Variants in PLSCR2 observed in about 807,000 individuals in gnomAD.
The protein encoded by PLSCR2 is PL scramblase 2.
A neutral mutation model predicts 25.3 loss-of-function variants in PLSCR2; 18 were observed. That is an observed-to-expected ratio of 0.71 (90% confidence interval 0.49 to 1.06). The LOEUF (loss-of-function observed/expected upper bound fraction) is 1.06. PLSCR2 is among the 50% of genes least tolerant of loss of function. The pLI, the probability that PLSCR2 is intolerant of heterozygous loss-of-function variation, is 0.00. For synonymous variants in PLSCR2, 88 were observed against 87.3 expected (o/e 1.01, Z -0.04); for missense variants, 243 against 269.5 (o/e 0.90, Z 0.69).
intron 6 of PLSCR2, among the ~76,000 whole-genome samples, chr3:146,443,209 G>T (rs1266958275): frequency 6.6e-6 from 1 of 151,912 alleles, no homozygotes; most frequent in Non-Finnish European, 1.5e-5. Flanking sequence ...TGTTCATCAG[G>T]CATATTAACC....
At chr3:146,485,111 A>G (rs1395423886) in intron 1 of PLSCR2, among the ~76,000 whole-genome samples, 1 of 134,412 alleles carries the variant, frequency 7.4e-6, no homozygotes, top group Non-Finnish European at 1.6e-5. Flanking sequence ...AGCAACTGGA[A>G]AGAAAAAAAA....
At chr3:146,422,141 A>G (rs2039174685) in intron 2 of PLSCR2, among the ~76,000 whole-genome samples, 2 of 152,090 alleles carry the variant, frequency 1.3e-5, no homozygotes, top group Admixed American at 1.3e-4. Context: ...TGGCACCTCC[A>G]TGAGGAGTTT....
chr3:146,416,391 A>G (rs931550067), intron 2 of PLSCR2: 10 of 152,186 alleles, frequency 6.6e-5, no homozygotes, highest in Non-Finnish European at 1.3e-4. Context: ...TCTTAATGTT[A>G]AAGTCACAGT....
chr3:146,410,777 G>A (rs961557815), intron 2 of PLSCR2, among the ~76,000 whole-genome samples: 3 of 152,198 alleles, frequency 2.0e-5, no homozygotes, highest in Admixed American at 6.5e-5. Flanking sequence ...CAGTTTTCCT[G>A]TTTATTTTTT....
chr3:146,461,958 T>TAAA, upstream of PLSCR2: 1 of 1,172,258 alleles, frequency 8.5e-7, no homozygotes, highest in Non-Finnish European at 1.1e-6. Flanking sequence ...TTTCATAAGC[T>TAAA]AAAAAAAAAA....
intron 1 of PLSCR2, among the ~76,000 whole-genome samples, chr3:146,483,474 CAT>C (rs1560054920): frequency 3.6e-5 from 1 of 27,678 alleles, no homozygotes; most frequent in African/African-American, 2.1e-4. Context: ...TATATATATA[CAT>C]GTGTATATAT....
chr3:146,475,245 T>C (rs564703464), intron 1 of PLSCR2, among the ~76,000 whole-genome samples: 1 of 151,948 alleles, frequency 6.6e-6, no homozygotes, highest in Non-Finnish European at 1.5e-5. Context: ...GTTTTCAGCA[T>C]TTTTTCACTG....
intron 2 of PLSCR2, among the ~76,000 whole-genome samples, chr3:146,423,708 C>T (rs1457623316): frequency 6.6e-6 from 1 of 151,960 alleles, no homozygotes; most frequent in Non-Finnish European, 1.5e-5. Context: ...TCCAAGCTTC[C>T]TTTAAATGTG....
chr3:146,484,307 T>C (rs180695235), intron 1 of PLSCR2, among the ~76,000 whole-genome samples: 24 of 150,962 alleles, frequency 1.6e-4, no homozygotes, highest in African/African-American at 5.4e-4. Context: ...ACTGAACCTA[T>C]GGCTGACTGG....
intron 1 of PLSCR2, chr3:146,469,233 A>G (rs891990033): frequency 1.0e-6 from 1 of 985,578 alleles, no homozygotes; most frequent in Non-Finnish European, 1.2e-6. Flanking sequence ...CAGTGTAGCT[A>G]AGGGGAAGCT....
At chr3:146,409,470 G>A (rs1224276988) in intron 2 of PLSCR2, among the ~76,000 whole-genome samples, 1 of 152,144 alleles carries the variant, frequency 6.6e-6, no homozygotes. Flanking sequence ...CATGAGCAGA[G>A]CCATGGAGGG....
chr3:146,430,041 C>T (rs147021263), downstream of PLSCR2, among the ~76,000 whole-genome samples: 86 of 152,092 alleles, frequency 5.7e-4, no homozygotes, highest in South Asian at 1.0e-2. Context: ...CTAAATTCCG[C>T]GCCTGGCTGG....
intron 1 of PLSCR2, among the ~76,000 whole-genome samples, chr3:146,476,994 A>T (rs1450917864): frequency 6.6e-6 from 1 of 152,194 alleles, no homozygotes; most frequent in East Asian, 1.9e-4. Flanking sequence ...CACCTGTTGG[A>T]CCAAGGGACA....
chr3:146,478,594 T>C (rs2043015126), intron 1 of PLSCR2, among the ~76,000 whole-genome samples: 1 of 152,140 alleles, frequency 6.6e-6, no homozygotes, highest in Admixed American at 6.6e-5. Context: ...TGGAGCTATG[T>C]GAAAAGACTA....
upstream of PLSCR2, among the ~76,000 whole-genome samples, chr3:146,462,961 G>A (rs557100648): frequency 1.6e-4 from 24 of 152,254 alleles, no homozygotes; most frequent in African/African-American, 5.3e-4. Context: ...CAGCTAAAGA[G>A]CAAGAAAGGT....
At position 146,413,124 on chromosome 3, in the gene PLSCR2, G is replaced by A. The variant is rs370964498; in HGVS notation, c.101-17203C>T. Among the ~76,000 whole-genome samples the A allele has an allele frequency of 2.6e-5, 4 of 152,276 alleles. No individual in the cohort carries two copies. In the East Asian group the frequency reaches 5.8e-4, roughly 22 times the overall value. On this transcript the variant is annotated intron_variant and NMD_transcript_variant, in intron 2 of 3. Transcript: ENST00000463633. ...GAACCAAGACAGCCCTGAGCAGTGA[G>A]CTTGTGGAGTGTTGTTTGGATCCAT...
At chr3:146,473,712 T>C (rs138911489) in intron 1 of PLSCR2, among the ~76,000 whole-genome samples, 1 of 152,358 alleles carries the variant, frequency 6.6e-6, no homozygotes, top group Non-Finnish European at 1.5e-5. Flanking sequence ...ATAGTGGTTT[T>C]CAAATTTTAG....
chr3:146,408,573 T>G (rs1367290831), intron 2 of PLSCR2, among the ~76,000 whole-genome samples: 1 of 152,190 alleles, frequency 6.6e-6, no homozygotes, highest in Non-Finnish European at 1.5e-5. Context: ...TTCTAAAAGC[T>G]GACTGATATT....
downstream of PLSCR2, chr3:146,433,232 GT>G (rs1156961493): frequency 2.6e-5 from 4 of 152,028 alleles, no homozygotes; most frequent in Non-Finnish European, 4.4e-5. Flanking sequence ...CTGTATGCCT[GT>G]TTCAGAAACA....
Sources: gnomAD v4.1 joint callset for allele counts (sites outside exome capture counted in the v4.1 genomes callset) on GRCh38, gnomAD v4.1.1 for gene constraint, MANE v1.5 for transcripts, NCBI Gene and HGNC (gene_info 2026-07-23, HGNC 2026-07-21) for gene names.